ATP8B4: variants seen among roughly 807,000 people sequenced by gnomAD.
The protein encoded by ATP8B4 is ATPase phospholipid transporting 8B4 (putative), also known as probable phospholipid-transporting ATPase IM.
In ATP8B4, 133 loss-of-function variants were observed where a neutral mutation model predicts 145.6. That is an observed-to-expected ratio of 0.91 (90% CI 0.79 to 1.05). The LOEUF is 1.05. ATP8B4 is among the 50% of genes least tolerant of loss of function. ATP8B4 has a pLI of 0.00. For missense variants in ATP8B4, 1,458 were observed against 1,425.2 expected (o/e 1.02, Z -0.37); for synonymous variants, 507 against 492.9 (o/e 1.03, Z -0.38).
chr15:50,075,013 TTC>T lies in ATP8B4; in HGVS notation c.29-830_29-829del, dbSNP rs769682566. 9.9e-5 allele frequency among the ~76,000 whole-genome samples: 15 copies of T among 152,270 alleles called. No individual in the cohort carries two copies. In the South Asian group the frequency reaches 1.0e-3, roughly 11 times the overall value. On this transcript the variant is annotated intron_variant, in intron 2 of 27. Coordinates refer to ENST00000284509, the MANE Select transcript of ATP8B4 (RefSeq NM_024837.4). ...GTAACCACCAGATGTCAATGCTGGA[TTC>T]TCATGGCGAGTGACTTGACCCTCTC...
intron 1 of ATP8B4, among the ~76,000 whole-genome samples, chr15:50,166,733 C>T (rs2044603148): frequency 6.6e-6 from 1 of 152,134 alleles, no homozygotes; most frequent in Non-Finnish European, 1.5e-5. Context: ...ACCTAGAAAA[C>T]TGGGAACACA....
intron 1 of ATP8B4, among the ~76,000 whole-genome samples, chr15:50,113,696 GGGCGT>G (rs758709521): frequency 3.3e-5 from 5 of 151,914 alleles, no homozygotes; most frequent in African/African-American, 4.8e-5. Context: ...AAAATTAGCT[GGGCGT>G]GGTGGCACAT....
chr15:50,008,950 T>C (rs1599777665), intron 7 of ATP8B4, among the ~76,000 whole-genome samples: 1 of 152,218 alleles, frequency 6.6e-6, no homozygotes, highest in East Asian at 1.9e-4. Context: ...TAGTTAAGTG[T>C]GTGGCATATA....
At chr15:49,880,334 C>T (rs1313022939) in intron 23 of ATP8B4, 1 of 152,138 alleles carries the variant, frequency 6.6e-6, no homozygotes, top group African/African-American at 2.4e-5. Flanking sequence ...AATGCTGGGA[C>T]GTGCAGCATT....
rs1011635968 is a variant in ATP8B4 at position 50,143,400 on chromosome 15, A to G, written c.-42-36392T>C. Reference sequence around the variant, plus strand: ...GGCACATTGGTGCTGACTGTTGAGTAAAGACCTCAGCTTCTCTCCAAGTAG... The same window carrying G: ...GGCACATTGGTGCTGACTGTTGAGTGAAGACCTCAGCTTCTCTCCAAGTAG... On this transcript the variant is annotated intron_variant, in intron 1 of 3. Coordinates refer to the ATP8B4 transcript ENST00000558829. Among the ~76,000 whole-genome samples, 3 of 152,242 alleles carry G rather than the reference A, an allele frequency of 2.0e-5. No homozygotes were observed. In the South Asian group the frequency reaches 6.2e-4, roughly 32 times the overall value.
intron 25 of ATP8B4, among the ~76,000 whole-genome samples, chr15:49,868,769 C>T (rs1484434668): frequency 6.6e-6 from 1 of 152,040 alleles, no homozygotes; most frequent in Non-Finnish European, 1.5e-5. Flanking sequence ...GATAGTGAAA[C>T]ATTTGATGAA....
At chr15:50,146,315 T>C (rs2153680362) in intron 1 of ATP8B4, among the ~76,000 whole-genome samples, 1 of 152,246 alleles carries the variant, frequency 6.6e-6, no homozygotes, top group Non-Finnish European at 1.5e-5. Flanking sequence ...CCGGCCTACA[T>C]TTTCAAATAT....
At chr15:49,943,718 G>C (rs2042347053) in intron 14 of ATP8B4, among the ~76,000 whole-genome samples, 1 of 152,182 alleles carries the variant, frequency 6.6e-6, no homozygotes, top group African/African-American at 2.4e-5. Flanking sequence ...AAATGCCAAA[G>C]GGAGTCTTTC....
chr15:50,179,598 T>C (rs1648347), intron 1 of ATP8B4, among the ~76,000 whole-genome samples: 144,794 of 152,294 alleles, frequency 0.95, 68,954 homozygotes, highest in East Asian at 1. Context: ...ATCCTAACCC[T>C]CAATGTGATG....
chr15:50,023,268 C>A (rs2049729498), intron 6 of ATP8B4, among the ~76,000 whole-genome samples: 1 of 152,134 alleles, frequency 6.6e-6, no homozygotes, highest in Non-Finnish European at 1.5e-5. Flanking sequence ...TTCTTAATCA[C>A]AAGAGCCACT....
chr15:50,026,495 A>T (rs1046650706), intron 6 of ATP8B4, among the ~76,000 whole-genome samples: 2 of 152,198 alleles, frequency 1.3e-5, no homozygotes, highest in African/African-American at 4.8e-5. Flanking sequence ...CAGTGCTGTG[A>T]TGCTTGTGGA....
chr15:50,068,791 A>G (rs1311987936), intron 3 of ATP8B4, among the ~76,000 whole-genome samples: 1 of 152,204 alleles, frequency 6.6e-6, no homozygotes, highest in Non-Finnish European at 1.5e-5. Context: ...TGTGACAGAG[A>G]GTGAGAGAAG....
At chr15:50,163,327 C>T (rs925054292) in intron 1 of ATP8B4, among the ~76,000 whole-genome samples, 21 of 152,244 alleles carry the variant, frequency 1.4e-4, no homozygotes, top group Non-Finnish European at 1.2e-4. Context: ...GTAACTGCAG[C>T]TATATCTGCA....
At chr15:50,174,229 G>C (rs2044729793) in intron 1 of ATP8B4, among the ~76,000 whole-genome samples, 1 of 152,074 alleles carries the variant, frequency 6.6e-6, no homozygotes, top group African/African-American at 2.4e-5. Flanking sequence ...TCTGAGAACT[G>C]GAACAAGACA....
At chr15:50,176,002 A>T (rs1215202110) in intron 1 of ATP8B4, among the ~76,000 whole-genome samples, 3 of 152,082 alleles carry the variant, frequency 2.0e-5, no homozygotes, top group African/African-American at 7.2e-5. Context: ...TATAGTGTGT[A>T]CATATGTATC....
At chr15:50,140,492 C>T (rs2044191540) in intron 1 of ATP8B4, among the ~76,000 whole-genome samples, 1 of 152,162 alleles carries the variant, frequency 6.6e-6, no homozygotes, top group Non-Finnish European at 1.5e-5. Context: ...TTGATTACCT[C>T]CCAGAGTAGT....
chr15:50,134,041 T>C (rs1462057102), intron 1 of ATP8B4, among the ~76,000 whole-genome samples: 3 of 152,200 alleles, frequency 2.0e-5, no homozygotes, highest in African/African-American at 4.8e-5. Flanking sequence ...AGCTTGATTA[T>C]GGTAACTATT....
At chr15:49,907,657 G>A (rs1394168413) in intron 20 of ATP8B4, among the ~76,000 whole-genome samples, 2 of 152,180 alleles carry the variant, frequency 1.3e-5, no homozygotes, top group African/African-American at 2.4e-5. Context: ...AAGATATAGA[G>A]TAGATATTTG....
At chr15:49,863,366 T>C (rs2153372587) in intron 26 of ATP8B4, among the ~76,000 whole-genome samples, 1 of 152,330 alleles carries the variant, frequency 6.6e-6, no homozygotes, top group South Asian at 2.1e-4. Context: ...CCTTACTTTT[T>C]ACTCACACCT....
Sources: gnomAD v4.1 joint callset for allele counts (sites outside exome capture counted in the v4.1 genomes callset) on GRCh38, gnomAD v4.1.1 for gene constraint, MANE v1.5 for transcripts, NCBI Gene and HGNC (gene_info 2026-07-23, HGNC 2026-07-21) for gene names.